Variants in CSMD1 observed in about 807,000 individuals in gnomAD.
CSMD1 encodes the protein CUB and Sushi multiple domains 1.
A neutral mutation model predicts 417.5 loss-of-function variants in CSMD1; 213 were observed. The observed-to-expected ratio is 0.51, with a 90% confidence interval of 0.46 to 0.57. CSMD1 has a LOEUF of 0.57. Among genes scored for constraint, CSMD1 ranks in the 20% least tolerant of loss-of-function variants. The pLI, the probability that CSMD1 is intolerant of heterozygous loss-of-function variation, is 0.00. For missense variants in CSMD1, 6,923 were observed against 4,529.7 expected (o/e 1.53, Z -15.17); for synonymous variants, 2,862 against 1,736.8 (o/e 1.65, Z -16.11).
intron 36 of CSMD1, among the ~76,000 whole-genome samples, chr8:3,187,409 G>A (rs1796126681): frequency 6.6e-6 from 1 of 152,120 alleles, no homozygotes; most frequent in African/African-American, 2.4e-5. Flanking sequence ...ACTAAGAGAG[G>A]GTGGACTTGC....
chr8:3,056,450 C>T (rs1812227452), intron 49 of CSMD1, among the ~76,000 whole-genome samples: 1 of 152,198 alleles, frequency 6.6e-6, no homozygotes, highest in Non-Finnish European at 1.5e-5. Flanking sequence ...TCACTGCAGC[C>T]TCAATCTCCT....
intron 3 of CSMD1, among the ~76,000 whole-genome samples, chr8:4,104,636 G>A (rs1486247302): frequency 6.6e-6 from 1 of 151,840 alleles, no homozygotes; most frequent in Admixed American, 6.6e-5. Flanking sequence ...AGGCTAGTTT[G>A]TCATACATGG....
chr8:3,500,277 G>GA (rs1216744168), intron 10 of CSMD1, among the ~76,000 whole-genome samples: 1 of 152,148 alleles, frequency 6.6e-6, no homozygotes, highest in Admixed American at 6.5e-5. Context: ...TGTGAAGGAG[G>GA]AAAGTGCTGG....
intron 3 of CSMD1, among the ~76,000 whole-genome samples, chr8:4,117,012 T>G (rs1164627785): frequency 1.3e-5 from 2 of 151,734 alleles, no homozygotes; most frequent in East Asian, 3.9e-4. Context: ...GCCTGACGCT[T>G]AACCTTTTTT....
intron 2 of CSMD1, among the ~76,000 whole-genome samples, chr8:4,473,066 G>C (rs1315841676): frequency 6.6e-6 from 1 of 151,942 alleles, no homozygotes; most frequent in Non-Finnish European, 1.5e-5. Flanking sequence ...TGATATTTTA[G>C]GATATGGGCC....
At chr8:3,000,713 G>T (rs1388049621) in intron 52 of CSMD1, among the ~76,000 whole-genome samples, 5 of 152,286 alleles carry the variant, frequency 3.3e-5, no homozygotes, top group Non-Finnish European at 7.3e-5. Flanking sequence ...AGAGTTCCAG[G>T]GACAGATGTG....
intron 3 of CSMD1, among the ~76,000 whole-genome samples, chr8:4,359,650 A>C (rs1050439587): frequency 6.6e-6 from 1 of 152,138 alleles, no homozygotes; most frequent in East Asian, 1.9e-4. Flanking sequence ...TCCCCTTGCA[A>C]ATGTGTGTGG....
intron 2 of CSMD1, among the ~76,000 whole-genome samples, chr8:4,582,252 T>A (rs1799457791): frequency 6.6e-6 from 1 of 152,058 alleles, no homozygotes; most frequent in South Asian, 2.1e-4. Flanking sequence ...AGGGCTGACC[T>A]AAAAAATGGT....
intron 5 of CSMD1, among the ~76,000 whole-genome samples, chr8:3,764,443 C>G (rs775021119): frequency 6.6e-6 from 1 of 152,128 alleles, no homozygotes; most frequent in Non-Finnish European, 1.5e-5. Flanking sequence ...CCTTACTGGG[C>G]CCTGAAGACA....
chr8:3,298,122 C>T (rs921847615), intron 25 of CSMD1, among the ~76,000 whole-genome samples: 8 of 152,154 alleles, frequency 5.3e-5, no homozygotes, highest in Admixed American at 4.6e-4. Context: ...GAAATTCTCT[C>T]ATATACACCC....
Position 3,576,619 on chromosome 8 carries a change from C to G in CSMD1, c.1223-1553G>C, listed in dbSNP as rs1005119178. ...TGGCATTTACTGTCCAAATGAAAAA[C>G]AAACATGGGTAAAACATAACTGGGT... On this transcript the variant is annotated intron_variant, in intron 9 of 69. Transcript: ENST00000635120. Among the ~76,000 whole-genome samples the G allele has an allele frequency of 3.9e-5, 6 of 152,252 alleles. No homozygotes were observed. The East Asian group carries it at 9.7e-4, about 25-fold the overall frequency.
chr8:3,240,059 G>C (rs1056725586), intron 26 of CSMD1, among the ~76,000 whole-genome samples: 2 of 152,280 alleles, frequency 1.3e-5, no homozygotes, highest in East Asian at 1.9e-4. Context: ...GTGATTTTAA[G>C]GGCCTCTAAA....
intron 5 of CSMD1, among the ~76,000 whole-genome samples, chr8:3,945,178 C>CAAAAAAAAA (rs138900503): frequency 1.5e-4 from 18 of 118,940 alleles, no homozygotes; most frequent in East Asian, 2.4e-4. Flanking sequence ...ATGAGAAAGA[C>CAAAAAAAAA]AAAAAAAAAA....
At chr8:4,606,509 G>A (rs73659146) in intron 2 of CSMD1, among the ~76,000 whole-genome samples, 1 of 152,110 alleles carries the variant, frequency 6.6e-6, no homozygotes, top group Non-Finnish European at 1.5e-5. Flanking sequence ...TTCTGTGTGT[G>A]GCTGAAGACA....
At chr8:4,585,974 G>A (rs1041314066) in intron 2 of CSMD1, among the ~76,000 whole-genome samples, 10 of 152,062 alleles carry the variant, frequency 6.6e-5, no homozygotes, top group Non-Finnish European at 4.4e-5. Flanking sequence ...AAAATAATTT[G>A]AAAATTAATT....
rs915960401 is a variant in CSMD1, at chr8:4,161,247, G to A, written c.416-129148C>T. Among the ~76,000 whole-genome samples the A allele has an allele frequency of 2.6e-5, 4 of 152,132 alleles. 1 individual carries two copies. The South Asian group carries it at 6.2e-4, about 24-fold the overall frequency. On this transcript the variant is annotated intron_variant, in intron 3 of 69. Coordinates refer to ENST00000635120, the MANE Select transcript of CSMD1 (RefSeq NM_033225.6). ...TCTAAAGCAAGCACTCTTACCATCT[G>A]CATTTACATGTGAGCCTTAGAAACA...
intron 3 of CSMD1, among the ~76,000 whole-genome samples, chr8:4,088,717 C>G (rs1800553162): frequency 6.6e-6 from 1 of 152,116 alleles, no homozygotes; most frequent in Non-Finnish European, 1.5e-5. Context: ...GACCCCAAAG[C>G]TCTGCAGGGA....
intron 2 of CSMD1, among the ~76,000 whole-genome samples, chr8:4,634,389 A>G (rs572856726): frequency 3.3e-3 from 501 of 152,302 alleles, no homozygotes; most frequent in African/African-American, 0.012. Context: ...TCGAAAAAAA[A>G]TATTACAGTG....
rs573756074 is a variant in CSMD1, at chr8:3,833,351, T to A, written c.819-79309A>T. 5.5e-4 allele frequency among the ~76,000 whole-genome samples: 83 copies of A among 152,252 alleles called. 1 individual carries two copies. Among genetic ancestry groups the A allele is most frequent in the Non-Finnish European group, 9.6e-4 (65 of 67,986 alleles). ...TATTCTAAGCCTCTGGGCCATTTTA[T>A]ATACAACGGCATTTCCTCACCTCCT... On this transcript the variant is annotated intron_variant, in intron 5 of 69. Coordinates refer to ENST00000635120, the MANE Select transcript of CSMD1 (RefSeq NM_033225.6).
Sources: gnomAD v4.1 joint callset for allele counts (sites outside exome capture counted in the v4.1 genomes callset) on GRCh38, gnomAD v4.1.1 for gene constraint, MANE v1.5 for transcripts, NCBI Gene and HGNC (gene_info 2026-07-23, HGNC 2026-07-21) for gene names.